SYNJ1: variants seen among roughly 807,000 people sequenced by gnomAD.
SYNJ1 encodes synaptojanin 1.
A neutral mutation model predicts 168.2 loss-of-function variants in SYNJ1; 78 were observed. That is an observed-to-expected ratio of 0.46 (90% CI 0.39 to 0.56). The LOEUF is 0.56. Among genes scored for constraint, SYNJ1 ranks in the 20% least tolerant of loss-of-function variants. The pLI is 0.00. For missense variants in SYNJ1, 1,303 were observed against 1,597.6 expected, an observed-to-expected ratio of 0.82 and a Z score of 3.14; for synonymous variants, 539 against 548.6, an observed-to-expected ratio of 0.98 and a Z score of 0.24.
chr21:32,697,908 T>A (rs1487613510), intron 4 of SYNJ1, among the ~76,000 whole-genome samples: 3 of 152,112 alleles, frequency 2.0e-5, no homozygotes, highest in Non-Finnish European at 2.9e-5. Context: ...TATCTCTCAA[T>A]CTAAGAAACT....
chr21:32,700,197 T>TTGTGATTATTTTAAAATG, intron 3 of SYNJ1, 92 bp from the exon 4 acceptor site: 2 of 1,400,490 alleles, frequency 1.4e-6, no homozygotes, highest in South Asian at 2.9e-5. Flanking sequence ...AAATCTGACA[T>TTGTGATTATTTTAAAATG]TGTGATTATT....
At chr21:32,662,216 C>T (rs962339574) in intron 18 of SYNJ1, among the ~76,000 whole-genome samples, 10 of 152,152 alleles carry the variant, frequency 6.6e-5, no homozygotes, top group African/African-American at 9.7e-5. Context: ...GACTGGTCTA[C>T]GCACGGCCGA....
Position 32,631,776 on chromosome 21 carries a change from C to A in SYNJ1, c.*29G>T, listed in dbSNP as rs1328967445. The A allele has an allele frequency of 6.2e-7, 1 of 1,610,936 alleles. No individual in the cohort carries two copies. Among genetic ancestry groups the A allele is most frequent in the South Asian group, 1.1e-5 (1 of 90,754 alleles). ...AATCTTTAATGGTGATTCTCTTTTG[C>A]CATCAGAGATTCCATTTGTTTTTAC... On this transcript the variant is annotated 3_prime_UTR_variant, in exon 33 of 33. Transcript: ENST00000674351.
At chr21:32,635,007 A>C in intron 31 of SYNJ1, 123 bp from the exon 32 acceptor site, 1 of 935,942 alleles carries the variant, frequency 1.1e-6, no homozygotes, top group Non-Finnish European at 1.7e-6. Flanking sequence ...CAAGAGCAGC[A>C]ATATTTGCAG....
At chr21:32,689,239 G>C (rs1458317267) in intron 6 of SYNJ1, among the ~76,000 whole-genome samples, 3 of 152,126 alleles carry the variant, frequency 2.0e-5, no homozygotes, top group Non-Finnish European at 4.4e-5. Flanking sequence ...ATCACAACAA[G>C]GATCACTGAG....
intron 29 of SYNJ1, among the ~76,000 whole-genome samples, chr21:32,640,177 C>T (rs1379397200): frequency 6.6e-6 from 1 of 152,114 alleles, no homozygotes; most frequent in African/African-American, 2.4e-5. Context: ...GGGTTCTTAA[C>T]CATGTGCAAT....
At chr21:32,703,816 T>G (rs1337566073) in intron 2 of SYNJ1, among the ~76,000 whole-genome samples, 1 of 151,952 alleles carries the variant, frequency 6.6e-6, no homozygotes, top group East Asian at 1.9e-4. Flanking sequence ...AGGGCTCAAG[T>G]AATCCTCCCA....
intron 6 of SYNJ1, 54 bp from the exon 7 acceptor site, chr21:32,688,421 G>C: frequency 5.6e-6 from 8 of 1,421,230 alleles, no homozygotes; most frequent in Non-Finnish European, 7.8e-6. Context: ...ATAGACGAAA[G>C]AAATATCACT....
intron 8 of SYNJ1, 152 bp downstream of exon 8, chr21:32,686,826 G>T: frequency 1.9e-6 from 1 of 521,586 alleles, no homozygotes; most frequent in South Asian, 3.2e-5. Flanking sequence ...TTTCTTAATA[G>T]ACCCAAAGAG....
chr21:32,634,950 C>A, intron 31 of SYNJ1, 66 bp from the exon 32 acceptor site: 2 of 1,546,242 alleles, frequency 1.3e-6, no homozygotes, highest in East Asian at 2.3e-5. Context: ...AACCAGCAAC[C>A]CTAACAATTC....
At chr21:32,696,142 G>A (rs2042205519) in intron 4 of SYNJ1, among the ~76,000 whole-genome samples, 1 of 152,152 alleles carries the variant, frequency 6.6e-6, no homozygotes, top group African/African-American at 2.4e-5. Context: ...GTGAGCCACC[G>A]CGCCCGCCCA....
intron 2 of SYNJ1, among the ~76,000 whole-genome samples, chr21:32,710,193 C>G (rs1436236056): frequency 1.3e-5 from 2 of 151,658 alleles, no homozygotes; most frequent in Non-Finnish European, 2.9e-5. Context: ...GAACAAGATG[C>G]CTTCTCAAAA....
chr21:32,707,482 C>T (rs2042656486), intron 2 of SYNJ1, among the ~76,000 whole-genome samples: 3 of 151,788 alleles, frequency 2.0e-5, no homozygotes, highest in Non-Finnish European at 4.4e-5. Flanking sequence ...ACTACAGGTA[C>T]GTGCCACCAT....
In SYNJ1 at chr21:32,695,107, G is replaced by A. The variant is rs1447922426; in HGVS notation, c.655C>T (p.Arg219Trp). Residue 219 changes from arginine to tryptophan, a missense_variant, in exon 5 of 33, where the codon CGG (arginine) becomes TGG (tryptophan). Arg to Trp is a moderately radical substitution (Grantham distance 101). Around this residue, in one of 2 missense-constraint regions of SYNJ1, gnomAD observed 920 missense variants for 1,208.8 expected, o/e 0.76. Transcript: ENST00000674351. Reference sequence around the variant, plus strand: ...ACATGACCATCATCATTTGTTCCCCGGACATTAAACCTGGTCCCAGCTCGT... The same window carrying A: ...ACATGACCATCATCATTTGTTCCCCAGACATTAAACCTGGTCCCAGCTCGT... The part of the protein sequence containing the change: ...CERAGTRFNV[R>W]GTNDDGHVAN... 5.6e-6 allele frequency: 9 copies of A among 1,613,968 alleles called. No individual in the cohort carries two copies. The highest frequency in any genetic ancestry group is 3.3e-5 in the South Asian group (3 of 91,068).
Position 32,646,496 on chromosome 21 carries a change from A to G in SYNJ1, c.3144T>C (p.Thr1048=), listed in dbSNP as rs745750950. The G allele has an allele frequency of 4.3e-6, 7 of 1,614,152 alleles. No individual in the cohort carries two copies. The highest frequency in any genetic ancestry group is 5.9e-6 in the Non-Finnish European group (7 of 1,180,004). The part of the protein sequence containing the change: ...LGTSPSSSPR[T]SPCQSPTISE... ...ATATTGTAGGTGACTGGCAGGGACT[A>G]GTTCGGGGTGAAGAGCTGGGGGAAG... The change falls in exon 24 of 33, where the codon ACT becomes ACC. Residue 1048 remains threonine (T), a synonymous_variant. Coordinates refer to ENST00000674351, the MANE Select transcript of SYNJ1 (RefSeq NM_203446.3).
At chr21:32,641,824 G>A in intron 29 of SYNJ1, 72 bp downstream of exon 29, 1 of 1,158,086 alleles carries the variant, frequency 8.6e-7, no homozygotes, top group Non-Finnish European at 1.2e-6. Context: ...TTTCTCCAAG[G>A]TAACAAAACT....
chr21:32,662,306 G>A (rs1232549897), intron 18 of SYNJ1, among the ~76,000 whole-genome samples: 1 of 152,196 alleles, frequency 6.6e-6, no homozygotes, highest in Non-Finnish European at 1.5e-5. Flanking sequence ...GATTTTCCCT[G>A]CATAGAAGAC....
intron 22 of SYNJ1, among the ~76,000 whole-genome samples, chr21:32,651,972 G>C (rs1325838645): frequency 6.6e-6 from 1 of 152,114 alleles, no homozygotes; most frequent in Non-Finnish European, 1.5e-5. Flanking sequence ...TATCCCATTT[G>C]TGTTAATGTG....
At chr21:32,727,031 G>T in intron 1 of SYNJ1, 114 bp from the exon 2 acceptor site, 2 of 1,396,218 alleles carry the variant, frequency 1.4e-6, no homozygotes, top group Non-Finnish European at 9.6e-7. Context: ...GTTGGGGTGG[G>T]AAAAAACAGA....
Sources: gnomAD v4.1 joint callset for allele counts (sites outside exome capture counted in the v4.1 genomes callset) on GRCh38, gnomAD v4.1.1 for gene constraint, gnomAD v4.1.1 regional missense constraint, MANE v1.5 for transcripts, NCBI Gene and HGNC (gene_info 2026-07-23, HGNC 2026-07-21) for gene names.